The following TBC1D5 variants were observed in gnomAD, a reference collection of about 807,000 sequenced individuals.
The protein encoded by TBC1D5 is TBC1 domain family member 5.
In TBC1D5, 75 loss-of-function variants were observed where a neutral mutation model predicts 100.3. That is an observed-to-expected ratio of 0.75 (90% CI 0.62 to 0.91). The LOEUF is 0.91. Among genes scored for constraint, TBC1D5 ranks in the 40% least tolerant of loss-of-function variants. The probability of loss-of-function intolerance (pLI) is 0.00; values close to 1 mark genes in which losing one functional copy is unlikely to be tolerated. For synonymous variants in TBC1D5, 323 were observed against 325.6 expected (o/e 0.99, Z 0.09); for missense variants, 910 against 942.4 (o/e 0.97, Z 0.45).
intron 1 of TBC1D5, among the ~76,000 whole-genome samples, chr3:17,714,178 G>A (rs2153945209): frequency 6.6e-6 from 1 of 152,146 alleles, no homozygotes; most frequent in African/African-American, 2.4e-5. Flanking sequence ...AATGACTGAT[G>A]CAAGATGCTC....
rs532155093 is a variant in TBC1D5 at position 17,298,434 on chromosome 3, T to C, written c.1139-6433A>G. Among the ~76,000 whole-genome samples the C allele has an allele frequency of 5.3e-5, 8 of 152,314 alleles. No homozygotes were observed. In the East Asian group the frequency reaches 1.2e-3, roughly 22 times the overall value. ...CAACCTAGGGTAGGGCTGATAATAA[T>C]GATACATACTAAGGGCTGTGATAAT... On this transcript the variant is annotated intron_variant, in intron 14 of 21. Transcript: ENST00000253692.
intron 15 of TBC1D5, among the ~76,000 whole-genome samples, chr3:17,261,320 T>C (rs991905650): frequency 3.3e-5 from 5 of 152,274 alleles, no homozygotes; most frequent in Middle Eastern, 3.4e-3. Context: ...AAAATACATA[T>C]ATAAATGTAC....
upstream of TBC1D5, among the ~76,000 whole-genome samples, chr3:17,741,718 G>C (rs566447289): frequency 1.3e-5 from 2 of 148,546 alleles, no homozygotes; most frequent in East Asian, 4.1e-4. Context: ...TAGGTCACTT[G>C]TAGAATCGAA....
chr3:17,250,529 G>A (rs184997290), intron 16 of TBC1D5, among the ~76,000 whole-genome samples: 2 of 152,286 alleles, frequency 1.3e-5, no homozygotes, highest in East Asian at 3.9e-4. Context: ...CCACCCTTGC[G>A]TGTTGTTCAC....
intron 3 of TBC1D5, among the ~76,000 whole-genome samples, chr3:17,449,521 C>T (rs995974293): frequency 4.6e-5 from 7 of 152,202 alleles, no homozygotes; most frequent in South Asian, 2.1e-4. Flanking sequence ...AATCTGAAGT[C>T]GACCTGGGAT....
intron 2 of TBC1D5, among the ~76,000 whole-genome samples, chr3:17,548,208 T>C (rs1339662150): frequency 1.3e-5 from 2 of 151,976 alleles, no homozygotes; most frequent in African/African-American, 4.8e-5. Context: ...CCAGCTACTC[T>C]GGAGGCTGAG....
In TBC1D5 at chr3:17,467,286, CTTT is replaced by C. The variant is rs11299814; in HGVS notation, c.98-38770_98-38768del. On this transcript the variant is annotated intron_variant, in intron 3 of 21. Transcript: ENST00000253692. The stretch of plus-strand genomic sequence containing the variant: ...TAGGGCCCAGCTTCTGCCAGACCTT[CTTT>C]TTTTTTTTTTTTTTTGATCTTTTTT... Among the ~76,000 whole-genome samples, 229 of 121,258 alleles carry C rather than the reference CTTT, an allele frequency of 1.9e-3. No homozygotes were observed. In the Middle Eastern group the frequency reaches 0.023, roughly 12 times the overall value. 79.5% of individuals were successfully genotyped at this position (121,258 alleles called of 152,430 possible).
chr3:17,486,991 A>G (rs937426680), intron 3 of TBC1D5, among the ~76,000 whole-genome samples: 2 of 152,216 alleles, frequency 1.3e-5, no homozygotes, highest in Non-Finnish European at 2.9e-5. Flanking sequence ...ACTCTGTCAC[A>G]TTCCCACTAC....
At chr3:17,242,838 A>T (rs904405337) in intron 16 of TBC1D5, among the ~76,000 whole-genome samples, 11 of 152,116 alleles carry the variant, frequency 7.2e-5, no homozygotes, top group Admixed American at 2.6e-4. Context: ...TATATATATA[A>T]ATATTTTTAC....
At chr3:17,167,904 C>A (rs938329622) in intron 19 of TBC1D5, 76 bp from the exon 21 acceptor site, 1 of 1,100,376 alleles carries the variant, frequency 9.1e-7, no homozygotes, top group Non-Finnish European at 1.3e-6. Flanking sequence ...TAACTTCAGA[C>A]GGGCTTGGGA....
chr3:17,635,050 CA>C (rs1165801082), intron 1 of TBC1D5, among the ~76,000 whole-genome samples: 1 of 152,052 alleles, frequency 6.6e-6, no homozygotes, highest in African/African-American at 2.4e-5. Flanking sequence ...ACTAAATCTA[CA>C]ACTTTCAGCA....
chr3:17,163,333 T>C lies in TBC1D5; in HGVS notation c.2095-2077A>G, dbSNP rs2066275141. ...ATAGGAGACCTGGTAGCTTGGCCAA[T>C]GTCACAAGGCACAACAAAAGACCCC... On this transcript the variant is annotated intron_variant, in intron 21 of 21. Coordinates refer to ENST00000253692, the Ensembl canonical transcript of TBC1D5. Among the ~76,000 whole-genome samples, 5 of 150,030 alleles carry C rather than the reference T, an allele frequency of 3.3e-5. 1 individual carries two copies. The highest frequency in any genetic ancestry group is 4.2e-4 in the South Asian group (2 of 4,716).
intron 2 of TBC1D5, among the ~76,000 whole-genome samples, chr3:17,612,110 G>T (rs1345181550): frequency 2.0e-5 from 3 of 151,966 alleles, no homozygotes; most frequent in South Asian, 2.1e-4. Flanking sequence ...GACCAGCCTG[G>T]GTAACATGGT....
chr3:17,604,222 A>G (rs551451224), intron 2 of TBC1D5, among the ~76,000 whole-genome samples: 1 of 152,288 alleles, frequency 6.6e-6, no homozygotes, highest in South Asian at 2.1e-4. Flanking sequence ...GGCCTCCCAA[A>G]GTTCTGGGAT....
chr3:17,312,341 T>C (rs1336702883), intron 13 of TBC1D5, among the ~76,000 whole-genome samples: 4 of 152,168 alleles, frequency 2.6e-5, no homozygotes, highest in Admixed American at 2.6e-4. Flanking sequence ...CTTACCTGTT[T>C]GGTAAATTTT....
In TBC1D5 at chr3:17,260,369, G is replaced by A. The variant is rs575564086; in HGVS notation, c.1246-1778C>T. Among the ~76,000 whole-genome samples, 25 of 152,272 alleles carry A rather than the reference G, an allele frequency of 1.6e-4. 1 individual carries two copies. The South Asian group carries it at 3.3e-3, about 20-fold the overall frequency. On this transcript the variant is annotated intron_variant, in intron 15 of 21. Transcript: ENST00000253692. ...ACTTGAAACATCTTTATAAAGAAATGACAAGCAATTCAAGACACAGAGTGC... is the reference window on the plus strand; with the variant it reads ...ACTTGAAACATCTTTATAAAGAAATAACAAGCAATTCAAGACACAGAGTGC...
intron 15 of TBC1D5, among the ~76,000 whole-genome samples, chr3:17,264,659 G>A (rs1025983210): frequency 1.3e-5 from 2 of 152,170 alleles, no homozygotes; most frequent in Non-Finnish European, 2.9e-5. Context: ...AGTGAGGGTC[G>A]TACTCAGATT....
At chr3:17,653,702 C>T (rs889730851) in intron 1 of TBC1D5, among the ~76,000 whole-genome samples, 15 of 152,044 alleles carry the variant, frequency 9.9e-5, no homozygotes, top group African/African-American at 3.6e-4. Context: ...ACTATACTAA[C>T]GTTAACTTCT....
At chr3:17,499,538 T>C (rs1403886290) in intron 3 of TBC1D5, among the ~76,000 whole-genome samples, 1 of 148,568 alleles carries the variant, frequency 6.7e-6, no homozygotes, top group Non-Finnish European at 1.5e-5. Context: ...TACTAAAAAA[T>C]ACAAAAATTT....
Sources: allele counts gnomAD v4.1 joint callset (sites outside exome capture counted in the v4.1 genomes callset), GRCh38; gene constraint gnomAD v4.1.1; transcripts MANE v1.5; gene names NCBI Gene and HGNC (gene_info 2026-07-23, HGNC 2026-07-21).